The following ANK1 variants were observed in gnomAD, a reference collection of about 807,000 sequenced individuals.
The protein encoded by ANK1 is ankyrin 1, also known as ankyrin-1.
A neutral mutation model predicts 210.4 loss-of-function variants in ANK1; 51 were observed. The ratio of observed to expected loss-of-function variants is 0.24; its 90% CI spans 0.19 to 0.31. The LOEUF (loss-of-function observed/expected upper bound fraction) is 0.31, where lower values mean the gene tolerates loss of function less well. ANK1 is among the 10% of genes least tolerant of loss of function. ANK1 has a pLI of 1.00. For missense variants in ANK1, 2,051 were observed against 2,504.4 expected (o/e 0.82, Z 3.86); for synonymous variants, 967 against 1,025.9 (o/e 0.94, Z 1.10).
intron 1 of ANK1, among the ~76,000 whole-genome samples, chr8:41,795,957 G>C (rs1220412362): frequency 1.3e-5 from 2 of 152,122 alleles, no homozygotes; most frequent in African/African-American, 4.8e-5. Context: ...CAAGTCTATG[G>C]ACACCCCAAA....
rs751939934 is a variant in ANK1, at chr8:41,694,748, G to T, written c.3171C>A (p.Thr1057=). 1 of 1,614,124 alleles carries T rather than the reference G, an allele frequency of 6.2e-7. No homozygotes were observed. Among genetic ancestry groups the T allele is most frequent in the Middle Eastern group, 1.6e-4 (1 of 6,062 alleles). ...EKKRVCRIIT[T]DFPLYFVIMS... ...TGATCACGAAGTACAGCGGGAAGTC[G>T]GTGGTGATGATTCGGCACACCCTCT... Residue 1057 remains threonine, a synonymous_variant, in exon 28 of 43, where the codon ACC becomes ACA. Coordinates refer to ENST00000289734, the MANE Select transcript of ANK1 (RefSeq NM_000037.4). The surrounding 1 kb of genome is among the most constrained non-coding windows in gnomAD (Gnocchi z 5.7).
Position 41,797,008 on chromosome 8 carries a change from G to A in ANK1, c.27+504C>T, listed in dbSNP as rs1443656036. On this transcript the variant is annotated intron_variant, in intron 1 of 42. Coordinates refer to ENST00000289734, the MANE Select transcript of ANK1 (RefSeq NM_000037.4). The surrounding 1 kb of genome is among the most constrained non-coding windows in gnomAD (Gnocchi z 4.0). ...ATTAACAACATAAATTAAAAGAACC[G>A]AGCAGGTGTGACCATGAGACCACCG... Among the ~76,000 whole-genome samples, 8 of 152,240 alleles carry A rather than the reference G, an allele frequency of 5.3e-5. No individual in the cohort carries two copies. Among genetic ancestry groups the A allele is most frequent in the Admixed American group, 5.2e-4 (8 of 15,306 alleles).
intron 33 of ANK1, among the ~76,000 whole-genome samples, chr8:41,688,806 G>A (rs1006049788): frequency 2.0e-5 from 3 of 152,332 alleles, no homozygotes; most frequent in South Asian, 2.1e-4. Context: ...AATCACAGTC[G>A]TAATAACGGC....
chr8:41,684,522 A>G lies in ANK1; in HGVS notation c.4537+22T>C, dbSNP rs147704692. On this transcript the variant is annotated intron_variant, in intron 37 of 42. Transcript: ENST00000289734. ...AGGGCAGGGCTCCGGCTCAGTCCCC[A>G]TCTGGTCCAGGTGACACTCACCATT... 5.0e-6 allele frequency: 8 copies of G among 1,613,344 alleles called. No homozygotes were observed. In the African/African-American group the frequency reaches 9.3e-5, roughly 19 times the overall value.
intron 1 of ANK1, among the ~76,000 whole-genome samples, chr8:41,858,645 T>C (rs1229663672): frequency 6.6e-6 from 1 of 152,214 alleles, no homozygotes; most frequent in Non-Finnish European, 1.5e-5. Flanking sequence ...CCAGGTAGAT[T>C]AGGCCCGGAT....
intron 1 of ANK1, among the ~76,000 whole-genome samples, chr8:41,894,674 G>A (rs1338555116): frequency 2.0e-5 from 3 of 152,220 alleles, no homozygotes; most frequent in Non-Finnish European, 2.9e-5. Context: ...GGAGAGGAGC[G>A]CCTTGGCTTC....
intron 37 of ANK1, among the ~76,000 whole-genome samples, chr8:41,674,582 T>C (rs748200471): frequency 1.7e-4 from 26 of 152,340 alleles, no homozygotes; most frequent in Middle Eastern, 3.4e-3. Flanking sequence ...ACCCAGCAGC[T>C]GGAACAGAAA....
chr8:41,833,986 C>T (rs1304828332), intron 1 of ANK1, among the ~76,000 whole-genome samples: 1 of 152,154 alleles, frequency 6.6e-6, no homozygotes, highest in Non-Finnish European at 1.5e-5. Context: ...TGGATAAAGG[C>T]ATGGAGGTGA....
rs532515300 is a variant in ANK1, at chr8:41,712,207, G to C, written c.1800+1949C>G. Among the ~76,000 whole-genome samples, 35 of 152,264 alleles carry C rather than the reference G, an allele frequency of 2.3e-4. No homozygotes were observed. In the South Asian group the frequency reaches 6.2e-3, roughly 27 times the overall value. On this transcript the variant is annotated intron_variant, in intron 16 of 42. Coordinates refer to ENST00000289734, the MANE Select transcript of ANK1 (RefSeq NM_000037.4). ...CCCAAAGTGCTGGGATTACAGGCTT[G>C]AGCCACCGTGCCCGGCCCTATTAGG...
chr8:41,867,753 T>C (rs1814749973), intron 1 of ANK1, among the ~76,000 whole-genome samples: 1 of 152,200 alleles, frequency 6.6e-6, no homozygotes, highest in Non-Finnish European at 1.5e-5. Flanking sequence ...CCCACTGAAA[T>C]GACAGTGTTC....
chr8:41,778,696 A>G lies in ANK1; in HGVS notation c.27+18816T>C, dbSNP rs978680257. Among the ~76,000 whole-genome samples the G allele has an allele frequency of 2.6e-5, 4 of 152,364 alleles. 1 individual carries two copies. The highest frequency in any genetic ancestry group is 1.9e-4 in the East Asian group (1 of 5,186). On this transcript the variant is annotated intron_variant, in intron 1 of 42. Transcript: ENST00000289734. ...GGAATGATTCGTTGCTAACGATCGT[A>G]TAGCCTTTACAGCATTAAATGTCTC...
chr8:41,840,420 T>C (rs1425777789), intron 1 of ANK1: 1 of 152,270 alleles, frequency 6.6e-6, no homozygotes, highest in African/African-American at 2.4e-5. Flanking sequence ...ACCTCTTTTT[T>C]TCACATTTCT....
At chr8:41,805,667 A>G (rs1234753602) in intron 1 of ANK1, among the ~76,000 whole-genome samples, 1 of 152,242 alleles carries the variant, frequency 6.6e-6, no homozygotes, top group African/African-American at 2.4e-5. Context: ...ATAATAAACC[A>G]ATTTCACATT....
Position 41,661,572 on chromosome 8 carries a change from C to T in ANK1, c.5545-8G>A. On this transcript the variant is annotated splice_polypyrimidine_tract_variant and splice_region_variant and intron_variant, in intron 41 of 42. Coordinates refer to ENST00000289734, the MANE Select transcript of ANK1 (RefSeq NM_000037.4). ...ACTCCCTCTCAGCTCCACCTGCAGA[C>T]AGCAGCAGAGACAGAAAGCAGGACA... 1 of 1,613,888 alleles carries T rather than the reference C, an allele frequency of 6.2e-7. No individual in the cohort carries two copies. Among genetic ancestry groups the T allele is most frequent in the Non-Finnish European group, 8.5e-7 (1 of 1,180,044 alleles).
chr8:41,870,960 C>T (rs1815371135), intron 1 of ANK1, among the ~76,000 whole-genome samples: 1 of 152,174 alleles, frequency 6.6e-6, no homozygotes. Context: ...GTCTGCCCAC[C>T]TCCCATCCTG....
At chr8:41,834,181 G>A (rs542693818) in intron 1 of ANK1, among the ~76,000 whole-genome samples, 1 of 152,234 alleles carries the variant, frequency 6.6e-6, no homozygotes, top group South Asian at 2.1e-4. Context: ...ACTCCAGCAG[G>A]AGGAGGGTGG....
chr8:41,836,973 C>A (rs1055933181), intron 1 of ANK1, among the ~76,000 whole-genome samples: 1 of 151,406 alleles, frequency 6.6e-6, no homozygotes, highest in Non-Finnish European at 1.5e-5. Context: ...CAAGGCATTG[C>A]GCAGAGCATG....
rs1823851614 is a variant in ANK1, at chr8:41,704,032, T to C, written c.2295+9A>G. ...AGTTTTCTAAACTCAGGAGAGAGAG[T>C]GTACTCACCGAGCTGACCTCGTTTG... On this transcript the variant is annotated intron_variant, in intron 20 of 42. Coordinates refer to ENST00000289734, the MANE Select transcript of ANK1 (RefSeq NM_000037.4). This position sits in a 1 kb window ranked among gnomAD's most constrained non-coding sequence, Gnocchi z 4.1. The C allele has an allele frequency of 6.2e-7, 1 of 1,612,462 alleles. No homozygotes were observed. Among genetic ancestry groups the C allele is most frequent in the Non-Finnish European group, 8.5e-7 (1 of 1,178,900 alleles).
At chr8:41,746,599 C>T (rs757729191) in intron 2 of ANK1, among the ~76,000 whole-genome samples, 14 of 152,134 alleles carry the variant, frequency 9.2e-5, no homozygotes, top group African/African-American at 2.9e-4. Context: ...GAATGCACAA[C>T]GATTTTAGAG....
Sources: gnomAD v4.1 joint callset for allele counts (sites outside exome capture counted in the v4.1 genomes callset) on GRCh38, gnomAD v4.1.1 for gene constraint, Gnocchi (gnomAD v3.1) non-coding constraint, MANE v1.5 for transcripts, NCBI Gene and HGNC (gene_info 2026-07-23, HGNC 2026-07-21) for gene names.